The following ERC2 variants were observed in gnomAD, a reference collection of about 807,000 sequenced individuals.
The protein encoded by ERC2 is ERC protein 2.
In ERC2, 42 loss-of-function variants were observed where a neutral mutation model predicts 114.8. The ratio of observed to expected loss-of-function variants is 0.37; its 90% CI spans 0.29 to 0.47. The LOEUF is 0.47. Ranked by LOEUF, ERC2 falls within the 20% of genes least tolerant of loss-of-function variation. The pLI is 0.99. For synonymous variants in ERC2, 454 were observed against 425.5 expected, an observed-to-expected ratio of 1.07 and a Z score of -0.82; for missense variants, 939 against 1,150.7, an observed-to-expected ratio of 0.82 and a Z score of 2.66.
intron 16 of ERC2, among the ~76,000 whole-genome samples, chr3:55,692,791 G>A (rs2062731764): frequency 6.6e-6 from 1 of 152,188 alleles, no homozygotes; most frequent in Non-Finnish European, 1.5e-5. Flanking sequence ...AACACAGAAA[G>A]GAAAAGCAGA....
chr3:56,389,210 G>A (rs1446658582), intron 2 of ERC2, among the ~76,000 whole-genome samples: 1 of 152,136 alleles, frequency 6.6e-6, no homozygotes, highest in Non-Finnish European at 1.5e-5. Context: ...TGCATGGGAG[G>A]AGGGAAATAT....
intron 14 of ERC2, among the ~76,000 whole-genome samples, chr3:55,781,709 A>G (rs1296308704): frequency 2.0e-5 from 3 of 151,786 alleles, no homozygotes; most frequent in Non-Finnish European, 4.4e-5. Context: ...TGTCTCTACT[A>G]AAAATACAAA....
At chr3:55,526,278 TTC>T (rs748427674) in intron 17 of ERC2, among the ~76,000 whole-genome samples, 2 of 152,136 alleles carry the variant, frequency 1.3e-5, no homozygotes, top group Non-Finnish European at 2.9e-5. Flanking sequence ...AAGAATAAAT[TTC>T]TGTTGTTTTA....
chr3:55,813,986 C>A (rs1175884945), intron 14 of ERC2, among the ~76,000 whole-genome samples: 1 of 152,160 alleles, frequency 6.6e-6, no homozygotes, highest in Non-Finnish European at 1.5e-5. Context: ...AAGGCGGGAA[C>A]AGGATCTACA....
rs536821609 is a variant in ERC2 at position 56,227,990 on chromosome 3, A to T, written c.1075-54470T>A. Reference sequence around the variant, plus strand: ...AACAACATGAAAGAATTTCATAGACATGACCATGAGAGAAGAAGTCAAACA... The same window carrying T: ...AACAACATGAAAGAATTTCATAGACTTGACCATGAGAGAAGAAGTCAAACA... On this transcript the variant is annotated intron_variant, in intron 3 of 17. Coordinates refer to ENST00000288221, the MANE Select transcript of ERC2 (RefSeq NM_015576.3). Among the ~76,000 whole-genome samples the T allele has an allele frequency of 3.3e-5, 5 of 152,340 alleles. 1 individual carries two copies. In the South Asian group the frequency reaches 8.3e-4, roughly 25 times the overall value.
chr3:56,053,240 G>A (rs1469517146), intron 7 of ERC2, among the ~76,000 whole-genome samples: 1 of 152,178 alleles, frequency 6.6e-6, no homozygotes, highest in South Asian at 2.1e-4. Flanking sequence ...AAGGGAAGAG[G>A]CTGTGTGCCA....
intron 14 of ERC2, among the ~76,000 whole-genome samples, chr3:55,779,449 C>T (rs951972324): frequency 5.3e-5 from 8 of 151,272 alleles, no homozygotes; most frequent in South Asian, 2.1e-4. Context: ...TGCAGTGAGC[C>T]GAGATTGCGC....
At chr3:56,228,175 A>AT (rs1427094930) in intron 3 of ERC2, among the ~76,000 whole-genome samples, 1 of 152,066 alleles carries the variant, frequency 6.6e-6, no homozygotes, top group Admixed American at 6.6e-5. Context: ...ATAAATGTAA[A>AT]TTTTTTTATT....
At chr3:55,650,778 G>A (rs1399251476) in intron 17 of ERC2, among the ~76,000 whole-genome samples, 1 of 151,746 alleles carries the variant, frequency 6.6e-6, no homozygotes, top group African/African-American at 2.4e-5. Context: ...GAATCACCTA[G>A]GCAAAATTGA....
chr3:56,323,766 C>G (rs1434333793), intron 2 of ERC2, among the ~76,000 whole-genome samples: 1 of 152,178 alleles, frequency 6.6e-6, no homozygotes, highest in African/African-American at 2.4e-5. Flanking sequence ...TCAACTGCAG[C>G]AAGAGTCACA....
rs540110035 is a variant in ERC2, at chr3:55,676,591, G to A, written c.*39+7203C>T. On this transcript the variant is annotated intron_variant, in intron 17 of 17. Transcript: ENST00000288221. ...CCAAGATTTGTTATTTTCCCTCCAT[G>A]TTCCTAACCTTCTTCAGGCCATTTG... Among the ~76,000 whole-genome samples the A allele has an allele frequency of 7.7e-4, 116 of 149,986 alleles. 2 individuals carry two copies. The highest frequency in any genetic ancestry group is 4.9e-3 in the South Asian group (23 of 4,668).
intron 3 of ERC2, among the ~76,000 whole-genome samples, chr3:56,235,020 T>C (rs762610601): frequency 3.9e-5 from 6 of 152,172 alleles, no homozygotes; most frequent in Non-Finnish European, 7.3e-5. Context: ...AGCAACAGCA[T>C]TTTTCCCTAT....
intron 3 of ERC2, among the ~76,000 whole-genome samples, chr3:56,217,255 C>G (rs910299618): frequency 1.4e-4 from 22 of 152,118 alleles, no homozygotes; most frequent in Admixed American, 1.2e-3. Flanking sequence ...TGTCTCAGCC[C>G]AAAATCTCCT....
intron 4 of ERC2, among the ~76,000 whole-genome samples, chr3:56,152,618 T>C (rs749438820): frequency 4.6e-5 from 7 of 152,120 alleles, no homozygotes; most frequent in Non-Finnish European, 1.0e-4. Context: ...ACCATGAAAT[T>C]GTTTTGTCTT....
At chr3:56,104,932 G>A (rs78335948) in intron 6 of ERC2, among the ~76,000 whole-genome samples, 356 of 152,064 alleles carry the variant, frequency 2.3e-3, no homozygotes, top group Middle Eastern at 0.02. Context: ...GCAAGCCTGG[G>A]GAATCCTGCA....
At chr3:56,320,932 C>T (rs1254536078) in intron 2 of ERC2, among the ~76,000 whole-genome samples, 1 of 152,120 alleles carries the variant, frequency 6.6e-6, no homozygotes, top group Non-Finnish European at 1.5e-5. Context: ...GGGAAGTCTG[C>T]CCATTGTAGC....
chr3:55,942,302 T>C (rs2066853713), intron 13 of ERC2, among the ~76,000 whole-genome samples: 1 of 130,622 alleles, frequency 7.7e-6, no homozygotes, highest in African/African-American at 3.1e-5. Flanking sequence ...TTTTTTTTTT[T>C]TGTTGAGACG....
chr3:55,689,795 C>G (rs1559503496), intron 16 of ERC2, among the ~76,000 whole-genome samples: 1 of 144,594 alleles, frequency 6.9e-6, no homozygotes, highest in Non-Finnish European at 1.5e-5. Context: ...GAGACTCCGT[C>G]TCAAAAAAAA....
chr3:56,149,710 T>A (rs114194053), intron 4 of ERC2, among the ~76,000 whole-genome samples: 1 of 152,208 alleles, frequency 6.6e-6, no homozygotes, highest in Non-Finnish European at 1.5e-5. Context: ...TGAAAATTTA[T>A]AGTGATTGGA....
Sources: gnomAD v4.1 joint callset for allele counts (sites outside exome capture counted in the v4.1 genomes callset) on GRCh38, gnomAD v4.1.1 for gene constraint, MANE v1.5 for transcripts, NCBI Gene and HGNC (gene_info 2026-07-23, HGNC 2026-07-21) for gene names.